The following WWOX variants were observed in gnomAD, a reference collection of about 807,000 sequenced individuals.
The protein encoded by WWOX is WW domain containing oxidoreductase.
In WWOX, 69 loss-of-function variants were observed where a neutral mutation model predicts 46.2. The observed-to-expected ratio is 1.49, with a 90% CI of 1.23 to 1.82. WWOX has a LOEUF of 1.82. Among genes scored for constraint, WWOX ranks in the 40% most tolerant of loss-of-function variants. The pLI, the probability that WWOX is intolerant of heterozygous loss-of-function variation, is 0.00. For missense variants in WWOX, 919 were observed against 542.6 expected (o/e 1.69, Z -6.89); for synonymous variants, 359 against 202.6 (o/e 1.77, Z -6.56).
chr16:78,921,635 C>A (rs962640645), intron 8 of WWOX, among the ~76,000 whole-genome samples: 2 of 152,158 alleles, frequency 1.3e-5, no homozygotes, highest in Admixed American at 1.3e-4. Flanking sequence ...TTCTGGATGA[C>A]CTACAGGTCA....
intron 8 of WWOX, among the ~76,000 whole-genome samples, chr16:78,851,075 C>G (rs1378015556): frequency 6.6e-6 from 1 of 152,054 alleles, no homozygotes; most frequent in South Asian, 2.1e-4. Flanking sequence ...GACAGTGAGG[C>G]CAGGTGACTT....
At chr16:78,210,720 A>G (rs1448522555) in intron 5 of WWOX, among the ~76,000 whole-genome samples, 1 of 152,206 alleles carries the variant, frequency 6.6e-6, no homozygotes, top group African/African-American at 2.4e-5. Flanking sequence ...ATGTAAATTC[A>G]ATTGCATTTC....
chr16:78,598,431 T>A (rs1182687637), intron 8 of WWOX, among the ~76,000 whole-genome samples: 3 of 152,202 alleles, frequency 2.0e-5, no homozygotes, highest in Admixed American at 2.0e-4. Flanking sequence ...TATTAACTTC[T>A]TCCTCTTTCC....
At chr16:79,144,866 T>C (rs2050155876) in intron 8 of WWOX, among the ~76,000 whole-genome samples, 1 of 152,206 alleles carries the variant, frequency 6.6e-6, no homozygotes, top group Non-Finnish European at 1.5e-5. Context: ...AATTGTTCTA[T>C]TATTGTTGCT....
intron 8 of WWOX, among the ~76,000 whole-genome samples, chr16:78,764,100 G>T (rs944577339): frequency 6.6e-6 from 1 of 152,122 alleles, no homozygotes. Context: ...GGATCAGCTG[G>T]TGCTCCAGGA....
intron 5 of WWOX, among the ~76,000 whole-genome samples, chr16:78,351,813 G>C (rs565580229): frequency 6.6e-6 from 1 of 152,164 alleles, no homozygotes; most frequent in East Asian, 1.9e-4. Flanking sequence ...TGTATCACCA[G>C]GCCCAGCTAA....
intron 8 of WWOX, among the ~76,000 whole-genome samples, chr16:79,074,758 A>G (rs879421646): frequency 2.6e-5 from 4 of 152,252 alleles, no homozygotes; most frequent in Middle Eastern, 3.4e-3. Flanking sequence ...TAACTCCCCC[A>G]GCTCAGAAAA....
chr16:78,548,265 C>T (rs2044093143), intron 8 of WWOX, among the ~76,000 whole-genome samples: 2 of 150,922 alleles, frequency 1.3e-5, no homozygotes, highest in Non-Finnish European at 1.5e-5. Context: ...TGATTCTCTT[C>T]AAAAACTTGG....
chr16:78,522,673 G>A (rs1204583447), intron 8 of WWOX, among the ~76,000 whole-genome samples: 1 of 152,254 alleles, frequency 6.6e-6, no homozygotes, highest in African/African-American at 2.4e-5. Flanking sequence ...GAGCAGATGA[G>A]ATGCTCTTGC....
At chr16:79,069,627 G>A (rs1379859488) in intron 8 of WWOX, among the ~76,000 whole-genome samples, 3 of 151,108 alleles carry the variant, frequency 2.0e-5, no homozygotes, top group Non-Finnish European at 4.4e-5. Context: ...CATTATTGAA[G>A]TAAGTGGGTT....
At chr16:78,883,391 C>T (rs2044384521) in intron 8 of WWOX, among the ~76,000 whole-genome samples, 1 of 152,280 alleles carries the variant, frequency 6.6e-6, no homozygotes, top group East Asian at 1.9e-4. Flanking sequence ...ATCCTAAATA[C>T]AGTCTGTCAT....
intron 8 of WWOX, among the ~76,000 whole-genome samples, chr16:78,939,271 T>C (rs545758917): frequency 6.6e-6 from 1 of 152,204 alleles, no homozygotes; most frequent in African/African-American, 2.4e-5. Context: ...TGAAAGGCAG[T>C]ACCTGGTCTA....
intron 5 of WWOX, among the ~76,000 whole-genome samples, chr16:78,231,294 G>A (rs1442692622): frequency 6.6e-6 from 1 of 152,166 alleles, no homozygotes; most frequent in Admixed American, 6.5e-5. Flanking sequence ...TGTGGCTTCG[G>A]CATTTTCACA....
At position 78,376,380 on chromosome 16, in the gene WWOX, A is replaced by G. The variant is rs182017975; in HGVS notation, c.517-10480A>G. Among the ~76,000 whole-genome samples the G allele has an allele frequency of 2.0e-3, 303 of 152,312 alleles. 2 individuals are homozygous for G. Among genetic ancestry groups the G allele is most frequent in the African/African-American group, 6.5e-3 (271 of 41,576 alleles). On this transcript the variant is annotated intron_variant, in intron 5 of 8. Transcript: ENST00000566780. ...TTGCACGATGTTTTTACATGGGTAG[A>G]AAATATACTCTGGAAGGATTTGAAC...
intron 8 of WWOX, among the ~76,000 whole-genome samples, chr16:79,064,564 CAT>C (rs1267532195): frequency 6.6e-6 from 1 of 152,198 alleles, no homozygotes; most frequent in African/African-American, 2.4e-5. Flanking sequence ...TGCGGATTCT[CAT>C]GTGGCTTATC....
chr16:79,018,123 G>C (rs1361860405), intron 8 of WWOX, among the ~76,000 whole-genome samples: 1 of 152,150 alleles, frequency 6.6e-6, no homozygotes, highest in Non-Finnish European at 1.5e-5. Flanking sequence ...CGGAGGCAGA[G>C]GTATCATGGC....
At chr16:78,828,138 A>G (rs527552543) in intron 8 of WWOX, among the ~76,000 whole-genome samples, 1 of 152,294 alleles carries the variant, frequency 6.6e-6, no homozygotes, top group South Asian at 2.1e-4. Context: ...GCAGCAAGTG[A>G]CAGTAGGAAT....
intron 8 of WWOX, among the ~76,000 whole-genome samples, chr16:78,514,130 C>T (rs1316754096): frequency 6.6e-6 from 1 of 152,192 alleles, no homozygotes; most frequent in Non-Finnish European, 1.5e-5. Flanking sequence ...AAGACTTTCT[C>T]TATAGAGGCT....
chr16:78,761,587 G>C (rs865776975), intron 8 of WWOX, among the ~76,000 whole-genome samples: 1 of 151,980 alleles, frequency 6.6e-6, no homozygotes, highest in East Asian at 1.9e-4. Context: ...CAGGACTCTC[G>C]CTGGTCTAGA....
Sources: allele counts gnomAD v4.1 joint callset (sites outside exome capture counted in the v4.1 genomes callset), GRCh38; gene constraint gnomAD v4.1.1; transcripts MANE v1.5; gene names NCBI Gene and HGNC (gene_info 2026-07-23, HGNC 2026-07-21).